The following CPVL variants were observed in gnomAD, a reference collection of about 807,000 sequenced individuals.
The protein encoded by CPVL is carboxypeptidase vitellogenic like, also known as probable serine carboxypeptidase CPVL.
Under a neutral mutation model 63.7 loss-of-function variants are expected in CPVL, and 51 were observed. That is an observed-to-expected ratio of 0.80 (90% confidence interval 0.64 to 1.01). The LOEUF is 1.01. Among genes scored for constraint, CPVL ranks in the 50% least tolerant of loss-of-function variants. CPVL has a pLI of 0.00. For missense variants in CPVL, 530 were observed against 573.1 expected (o/e 0.92, Z 0.77); for synonymous variants, 195 against 206.0 (o/e 0.95, Z 0.46).
At chr7:29,188,836 C>G (rs1352547965) in intron 1 of CPVL, among the ~76,000 whole-genome samples, 1 of 151,846 alleles carries the variant, frequency 6.6e-6, no homozygotes, top group Non-Finnish European at 1.5e-5. Context: ...AAACAGAAAT[C>G]ATTTCTATAG....
At chr7:29,123,040 C>T (rs1733181688) in intron 1 of CPVL, among the ~76,000 whole-genome samples, 2 of 152,128 alleles carry the variant, frequency 1.3e-5, no homozygotes, top group African/African-American at 4.8e-5. Context: ...AAAGGGTACT[C>T]CACACATTCA....
intron 3 of CPVL, among the ~76,000 whole-genome samples, chr7:29,099,565 A>T (rs572452246): frequency 7.2e-5 from 11 of 152,276 alleles, no homozygotes; most frequent in Non-Finnish European, 1.3e-4. Flanking sequence ...TACAAAAATT[A>T]GCTGGGCATG....
At chr7:29,087,154 G>C (rs542005417) in intron 6 of CPVL, among the ~76,000 whole-genome samples, 1 of 152,132 alleles carries the variant, frequency 6.6e-6, no homozygotes, top group Non-Finnish European at 1.5e-5. Flanking sequence ...CGGCCAGGGC[G>C]GTGGCTCATG....
intron 1 of CPVL, among the ~76,000 whole-genome samples, chr7:29,137,615 A>G (rs1218210634): frequency 6.6e-6 from 1 of 152,268 alleles, no homozygotes; most frequent in Middle Eastern, 3.4e-3. Context: ...TTACTTGTCT[A>G]TGTGTGTAGC....
rs111749966 is a variant in CPVL at position 29,115,130 on chromosome 7, T to C, written c.170-2308A>G. Among the ~76,000 whole-genome samples the C allele has an allele frequency of 2.6e-5, 4 of 152,308 alleles. 1 individual carries two copies. The highest frequency in any genetic ancestry group is 9.6e-5 in the African/African-American group (4 of 41,562). ...CAAAATATAAATACTGATTCCGCTA[T>C]CCTGGGCTTTCTGTGAGGATCAAAC... On this transcript the variant is annotated intron_variant, in intron 2 of 12. Coordinates refer to ENST00000265394, the MANE Select transcript of CPVL (RefSeq NM_031311.5).
At chr7:29,022,417 C>T (rs1044266457) in intron 12 of CPVL, among the ~76,000 whole-genome samples, 8 of 152,210 alleles carry the variant, frequency 5.3e-5, no homozygotes, top group African/African-American at 1.9e-4. Flanking sequence ...CTACAACTGG[C>T]ATCCTAGTGT....
intron 11 of CPVL, among the ~76,000 whole-genome samples, chr7:29,049,357 T>C (rs184580393): frequency 6.6e-6 from 1 of 151,914 alleles, no homozygotes; most frequent in African/African-American, 2.4e-5. Context: ...CACTGAAATA[T>C]AAAAGATCAT....
chr7:29,037,311 G>A lies in CPVL; in HGVS notation c.1138-6552C>T, dbSNP rs185271246. On this transcript the variant is annotated intron_variant, in intron 11 of 12. Transcript: ENST00000265394. ...TATAATCCCAGCACTTTGGGAGGCC[G>A]AGGTGGGCGGATCACAAGGTCAGGA... Among the ~76,000 whole-genome samples the A allele has an allele frequency of 7.3e-3, 1,114 of 152,046 alleles. 2 individuals carry two copies. The highest frequency in any genetic ancestry group is 0.014 in the Admixed American group (218 of 15,280).
chr7:29,074,363 T>C (rs17748762), intron 7 of CPVL, among the ~76,000 whole-genome samples: 18,449 of 152,262 alleles, frequency 0.12, 1,237 homozygotes, highest in Middle Eastern at 0.16. Context: ...TGGTTTGTTG[T>C]CTAACTGTGC....
rs766665378 is a variant in CPVL at position 29,086,496 on chromosome 7, A to G, written c.597T>C (p.Tyr199=). The G allele has an allele frequency of 6.2e-7, 1 of 1,611,584 alleles. No homozygotes were observed. The highest frequency in any genetic ancestry group is 8.5e-7 in the Non-Finnish European group (1 of 1,177,772). Residue 199 remains tyrosine (Y), a synonymous_variant, in exon 7 of 13, where the codon TAT becomes TAC. Transcript: ENST00000265394. ...IFPEYKNNDF[Y]VTGESYAGKY... Reference sequence around the variant, plus strand: ...GACTTCTACTTACCTCCCCAGTGACATAAAAGTCATTATTTTTATATTCAG... The same window carrying G: ...GACTTCTACTTACCTCCCCAGTGACGTAAAAGTCATTATTTTTATATTCAG...
intron 11 of CPVL, among the ~76,000 whole-genome samples, chr7:29,036,283 G>A (rs1027945940): frequency 1.3e-5 from 2 of 152,142 alleles, no homozygotes; most frequent in Non-Finnish European, 2.9e-5. Context: ...GAATTGTAAC[G>A]AGAACTAATG....
chr7:29,162,504 A>T (rs569728474), intron 5 of CPVL, among the ~76,000 whole-genome samples: 1 of 152,226 alleles, frequency 6.6e-6, no homozygotes, highest in South Asian at 2.1e-4. Context: ...TCTACTAAAA[A>T]TACAAAATTA....
Position 29,162,638 on chromosome 7 carries a change from G to A in CPVL, c.-11+18652C>T, listed in dbSNP as rs1216721476. On this transcript the variant is annotated intron_variant, in intron 5 of 16. Coordinates refer to the CPVL transcript ENST00000409850. ...ATCGTGCCATTGCACTCCAGCCTGG[G>A]CAACAAGAGTGAAACTCCATCTCAA... is the stretch of plus-strand genomic sequence containing the variant. 2.1e-5 allele frequency among the ~76,000 whole-genome samples: 3 copies of A among 144,424 alleles called. No homozygotes were observed. The East Asian group carries it at 6.0e-4, about 29-fold the overall frequency. 94.7% of individuals were successfully genotyped at this position (144,424 alleles called of 152,430 possible).
At position 29,086,557 on chromosome 7, in the gene CPVL, A is replaced by G. The variant is rs1412072196; in HGVS notation, c.543-7T>C. The G allele has an allele frequency of 3.2e-6, 5 of 1,581,122 alleles. No individual in the cohort carries two copies. The highest frequency in any genetic ancestry group is 1.7e-5 in the Admixed American group (1 of 59,868). On this transcript the variant is annotated splice_polypyrimidine_tract_variant and splice_region_variant and intron_variant, in intron 6 of 12. Coordinates refer to ENST00000265394, the MANE Select transcript of CPVL (RefSeq NM_031311.5). ...GAAAAACTGAATTAGTGCACTGCAA[A>G]AAGAAGAACAAGAACAACACAAATT...
chr7:29,195,122 G>A (rs1783509863), exon 1 of CPVL: 4 of 923,806 alleles, frequency 4.3e-6, no homozygotes, highest in East Asian at 6.4e-5. Flanking sequence ...CAGGCGTCCG[G>A]GGTGATACTT....
rs1169055679 is a variant in CPVL, at chr7:29,120,838, A to AC, written c.169+54_169+55insG. 24 of 1,396,602 alleles carry AC rather than the reference A, an allele frequency of 1.7e-5. No homozygotes were observed. In the African/African-American group the frequency reaches 2.4e-4, roughly 14 times the overall value. 86.5% of individuals were successfully genotyped at this position (1,396,602 alleles called of 1,614,324 possible). On this transcript the variant is annotated intron_variant, in intron 2 of 12. Coordinates refer to ENST00000265394, the MANE Select transcript of CPVL (RefSeq NM_031311.5). Reference sequence around the variant, plus strand: ...CGTCTCAAAAAAAAAAAAAAAAAAAAGAGAAACTGTTGAACTCATGCCAGT... The same window carrying AC: ...CGTCTCAAAAAAAAAAAAAAAAAAAACGAGAAACTGTTGAACTCATGCCAGT...
chr7:29,194,659 T>C, intron 1 of CPVL: 1 of 339,054 alleles, frequency 2.9e-6, no homozygotes, highest in Non-Finnish European at 5.3e-6. Flanking sequence ...CCGTCCCGGC[T>C]GCCCCTCGGC....
intron 5 of CPVL, among the ~76,000 whole-genome samples, chr7:29,093,205 C>T (rs1336837597): frequency 3.3e-5 from 5 of 151,622 alleles, no homozygotes; most frequent in Non-Finnish European, 7.4e-5. Context: ...GGCGAAACCC[C>T]GTTTCTACTA....
chr7:29,050,475 C>T (rs531306506), intron 11 of CPVL, among the ~76,000 whole-genome samples: 25 of 152,060 alleles, frequency 1.6e-4, no homozygotes, highest in Non-Finnish European at 2.9e-4. Context: ...GAAATTGGAA[C>T]TCATCCATTT....
Sources: gnomAD v4.1 joint callset for allele counts (sites outside exome capture counted in the v4.1 genomes callset) on GRCh38, gnomAD v4.1.1 for gene constraint, MANE v1.5 for transcripts, NCBI Gene and HGNC (gene_info 2026-07-23, HGNC 2026-07-21) for gene names.